ANKS3: variants seen among roughly 807,000 people sequenced by gnomAD.
ANKS3 encodes the protein ankyrin repeat and sterile alpha motif domain containing 3, also known as ankyrin repeat and SAM domain-containing protein 3.
In ANKS3, 62 loss-of-function variants were observed where a neutral mutation model predicts 80.7. The observed-to-expected ratio is 0.77, with a 90% CI of 0.63 to 0.95. The LOEUF (loss-of-function observed/expected upper bound fraction) is 0.95, where lower values mean the gene tolerates loss of function less well. ANKS3 is among the 40% of genes least tolerant of loss of function. The pLI is 0.00. For missense variants in ANKS3, 1,150 were observed against 883.6 expected (o/e 1.30, Z -3.82); for synonymous variants, 489 against 355.3 (o/e 1.38, Z -4.23).
chr16:4,703,474 G>GA (rs2080027533), intron 8 of ANKS3, among the ~76,000 whole-genome samples: 1 of 145,552 alleles, frequency 6.9e-6, no homozygotes, highest in Non-Finnish European at 1.5e-5. Context: ...AGACTGGAGT[G>GA]CAGTGGCACA....
At chr16:4,732,521 A>G (rs896289376) in intron 1 of ANKS3, among the ~76,000 whole-genome samples, 1 of 152,046 alleles carries the variant, frequency 6.6e-6, no homozygotes, top group Non-Finnish European at 1.5e-5. Flanking sequence ...CATCTTTACT[A>G]AAATTACAAA....
At chr16:4,727,293 G>T in intron 3 of ANKS3, 116 bp from the exon 4 acceptor site, 2 of 1,048,982 alleles carry the variant, frequency 1.9e-6, no homozygotes, top group African/African-American at 3.1e-5. Flanking sequence ...GAAGTTATCT[G>T]CCACCCTGGA....
Position 4,696,764 on chromosome 16 carries a change from C to A in ANKS3, c.*144G>T. On this transcript the variant is annotated 3_prime_UTR_variant, in exon 18 of 18. Coordinates refer to ENST00000304283, the MANE Select transcript of ANKS3 (RefSeq NM_133450.4). The stretch of plus-strand genomic sequence containing the variant: ...GCCGCAGCCCCCGTCTTGCCTCTGT[C>A]TGCCGGCTGCTCCCGGGGCCTGATC... 1.8e-6 allele frequency: 1 copy of A among 555,710 alleles called. No homozygotes were observed. Among genetic ancestry groups the A allele is most frequent in the South Asian group, 2.0e-5 (1 of 48,938 alleles). 34.4% of individuals were successfully genotyped at this position (555,710 alleles called of 1,614,324 possible). A position where few individuals can be genotyped will look rare whatever the true frequency, so the allele number is the denominator to read the frequency against.
intron 11 of ANKS3, chr16:4,699,907 T>C (rs2079805646): frequency 6.6e-6 from 1 of 152,376 alleles, no homozygotes; most frequent in Admixed American, 6.5e-5. Context: ...TTATTGCTTT[T>C]AATGGACAAA....
chr16:4,712,462 T>C (rs2080545883), intron 7 of ANKS3, among the ~76,000 whole-genome samples: 2 of 152,042 alleles, frequency 1.3e-5, no homozygotes, highest in South Asian at 2.1e-4. Flanking sequence ...TAAATATTAA[T>C]AAACAGAATT....
intron 3 of ANKS3, among the ~76,000 whole-genome samples, chr16:4,729,182 C>G (rs561985327): frequency 1.3e-5 from 2 of 152,174 alleles, no homozygotes; most frequent in Non-Finnish European, 2.9e-5. Context: ...TTTATATTGT[C>G]TCTAACTATT....
intron 6 of ANKS3, among the ~76,000 whole-genome samples, chr16:4,720,616 TC>T (rs1266037274): frequency 2.7e-5 from 4 of 150,936 alleles, no homozygotes; most frequent in Non-Finnish European, 5.9e-5. Context: ...CTGAAGAAAT[TC>T]CCATATGTGC....
chr16:4,716,790 C>T (rs117930349), intron 6 of ANKS3, among the ~76,000 whole-genome samples: 3,839 of 151,806 alleles, frequency 0.025, 68 homozygotes, highest in Admixed American at 0.034. Context: ...GTGGTGCGTG[C>T]CTGTATCCCA....
chr16:4,701,585 G>A lies in ANKS3; in HGVS notation c.1010-42C>T, dbSNP rs771607074. The A allele has an allele frequency of 6.6e-5, 103 of 1,553,950 alleles. No individual in the cohort carries two copies. In the Middle Eastern group the frequency reaches 6.7e-4, roughly 10 times the overall value. On this transcript the variant is annotated intron_variant, in intron 9 of 17. Transcript: ENST00000304283. Reference sequence around the variant, plus strand: ...AGGGCGTCCGCCTGCAGCCCTCACCGAGGTGCTGCGCATGGGCGTGCCCCG... The same window carrying A: ...AGGGCGTCCGCCTGCAGCCCTCACCAAGGTGCTGCGCATGGGCGTGCCCCG...
chr16:4,698,665 G>GC, intron 13 of ANKS3, 66 bp from the exon 14 acceptor site: 1 of 1,528,844 alleles, frequency 6.5e-7, no homozygotes, highest in Non-Finnish European at 8.7e-7. Context: ...CTTGGCCACG[G>GC]CCCTGTCCTG....
Position 4,696,998 on chromosome 16 carries a change from CA to C in ANKS3, c.*11+18del. 6.2e-7 allele frequency: 1 copy of C among 1,610,632 alleles called. No individual in the cohort carries two copies. Among genetic ancestry groups the C allele is most frequent in the African/African-American group, 1.3e-5 (1 of 74,988 alleles). On this transcript the variant is annotated intron_variant, in intron 17 of 17. Coordinates refer to ENST00000304283, the MANE Select transcript of ANKS3 (RefSeq NM_133450.4). ...CCTGCTGCTCCCACCACGCGGGATC[CA>C]GGCTGGCAGACACTCACCGGCCCGC...
rs374120824 is a variant in ANKS3 at position 4,723,061 on chromosome 16, C to T, written c.573+1689G>A. On this transcript the variant is annotated intron_variant, in intron 6 of 17. Coordinates refer to ENST00000304283, the MANE Select transcript of ANKS3 (RefSeq NM_133450.4). ...ACTGGTGAGGACAAGAGAAAATGGA[C>T]ACCTTTGTCTATGACTGGTGGGCAG... Among the ~76,000 whole-genome samples, 5 of 152,130 alleles carry T rather than the reference C, an allele frequency of 3.3e-5. No homozygotes were observed. In the East Asian group the frequency reaches 5.8e-4, roughly 18 times the overall value.
chr16:4,718,477 G>A (rs1385029345), intron 6 of ANKS3, among the ~76,000 whole-genome samples: 1 of 152,198 alleles, frequency 6.6e-6, no homozygotes, highest in African/African-American at 2.4e-5. Flanking sequence ...GGGAAATGGG[G>A]GACAAGGAAA....
At chr16:4,732,318 C>T (rs1438904515) in intron 1 of ANKS3, among the ~76,000 whole-genome samples, 2 of 152,148 alleles carry the variant, frequency 1.3e-5, no homozygotes, top group Admixed American at 1.3e-4. Context: ...TTCCATACCT[C>T]CCTCAAGCCT....
chr16:4,702,856 G>A (rs2079991164), intron 8 of ANKS3, among the ~76,000 whole-genome samples: 1 of 152,072 alleles, frequency 6.6e-6, no homozygotes, highest in South Asian at 2.1e-4. Context: ...AGACTGACTT[G>A]ACCAGTCACG....
rs747237679 is a variant in ANKS3 at position 4,700,935 on chromosome 16, C to CT, written c.1284+34dup. On this transcript the variant is annotated intron_variant, in intron 11 of 17. Coordinates refer to ENST00000304283, the MANE Select transcript of ANKS3 (RefSeq NM_133450.4). ...TCCTAAGTCACAAAAAGTGCCGTCTCTGAGTGTAACCTCCAGTTTCACAAG... is the reference window on the plus strand; with the variant it reads ...TCCTAAGTCACAAAAAGTGCCGTCTCTTGAGTGTAACCTCCAGTTTCACAAG... 2.5e-6 allele frequency: 4 copies of CT among 1,613,138 alleles called. No homozygotes were observed. In the Admixed American group the frequency reaches 5.0e-5, roughly 20 times the overall value.
chr16:4,704,397 A>T (rs997049998), intron 8 of ANKS3, among the ~76,000 whole-genome samples: 2 of 152,114 alleles, frequency 1.3e-5, no homozygotes, highest in African/African-American at 2.4e-5. Flanking sequence ...CCTGGCTATG[A>T]GTGGGTGACA....
intron 2 of ANKS3, among the ~76,000 whole-genome samples, chr16:4,731,176 G>A (rs1164745119): frequency 6.6e-6 from 1 of 152,196 alleles, no homozygotes; most frequent in East Asian, 1.9e-4. Flanking sequence ...GGGCAGAGAG[G>A]GAATTTGGGG....
chr16:4,700,815 G>T, intron 11 of ANKS3, 155 bp downstream of exon 11: 3 of 1,003,684 alleles, frequency 3.0e-6, no homozygotes, highest in Non-Finnish European at 4.7e-6. Flanking sequence ...CCATGGAGCC[G>T]GCTGTGAGCC....
Sources: gnomAD v4.1 joint callset for allele counts (sites outside exome capture counted in the v4.1 genomes callset) on GRCh38, gnomAD v4.1.1 for gene constraint, MANE v1.5 for transcripts, NCBI Gene and HGNC (gene_info 2026-07-23, HGNC 2026-07-21) for gene names.